Variants in TMSB10 observed in about 807,000 individuals in gnomAD.
The protein encoded by TMSB10 is thymosin beta 10.
A neutral mutation model predicts 4.5 loss-of-function variants in TMSB10; 4 were observed. The observed-to-expected ratio is 0.89, with a 90% CI of 0.44 to 2.03. The LOEUF (loss-of-function observed/expected upper bound fraction) is 2.03, where lower values mean the gene tolerates loss of function less well. Ranked by LOEUF, TMSB10 falls within the 30% of genes most tolerant of loss-of-function variation. The pLI, the probability that TMSB10 is intolerant of heterozygous loss-of-function variation, is 0.03. For synonymous variants in TMSB10, 17 were observed against 20.3 expected (o/e 0.84, Z 0.44); for missense variants, 44 against 53.9 (o/e 0.82, Z 0.57).
chr2:84,906,504 C>T lies in TMSB10; in HGVS notation c.*81C>T. Reference sequence around the variant, plus strand: ...GGAAGAGCCACCTGCAAGATGGACACGAGCCACAAGCTGCACTGTGAACCT... The same window carrying T: ...GGAAGAGCCACCTGCAAGATGGACATGAGCCACAAGCTGCACTGTGAACCT... On this transcript the variant is annotated 3_prime_UTR_variant, in exon 3 of 3. Coordinates refer to ENST00000233143, the MANE Select transcript of TMSB10 (RefSeq NM_021103.4). 6.8e-7 allele frequency: 1 copy of T among 1,473,002 alleles called. No homozygotes were observed. The highest frequency in any genetic ancestry group is 9.1e-7 in the Non-Finnish European group (1 of 1,102,890). The allele number at this position is 1,473,002 out of a possible 1,614,324, so 91.2% of individuals were successfully genotyped here.
intron 2 of TMSB10, 88 bp from the exon 3 acceptor site, chr2:84,906,301 C>T (rs1683692543): frequency 6.7e-7 from 1 of 1,495,704 alleles, no homozygotes; most frequent in Non-Finnish European, 9.0e-7. Context: ...CCCCACACCT[C>T]GTGGGTGCCT....
rs1683698447 is a variant in TMSB10 at position 84,906,515 on chromosome 2, C to G, written c.*92C>G. ...CTGCAAGATGGACACGAGCCACAAGCTGCACTGTGAACCTGGGCACTCCGC... is the reference window on the plus strand; with the variant it reads ...CTGCAAGATGGACACGAGCCACAAGGTGCACTGTGAACCTGGGCACTCCGC... On this transcript the variant is annotated 3_prime_UTR_variant, in exon 3 of 3. Coordinates refer to ENST00000233143, the MANE Select transcript of TMSB10 (RefSeq NM_021103.4). 1 of 1,471,326 alleles carries G rather than the reference C, an allele frequency of 6.8e-7. No homozygotes were observed. The highest frequency in any genetic ancestry group is 9.2e-7 in the Non-Finnish European group (1 of 1,090,954). 91.1% of individuals were successfully genotyped at this position (1,471,326 alleles called of 1,614,324 possible).
Position 84,906,112 on chromosome 2 carries a change from A to C in TMSB10, c.95A>C (p.Lys32Thr). The change falls in exon 2 of 3, where the codon AAA (lysine) becomes ACA (threonine). Residue 32 changes from lysine to threonine, a missense_variant. Coordinates refer to ENST00000233143, the MANE Select transcript of TMSB10 (RefSeq NM_021103.4). Reference protein sequence around the residue: ...ETQEKNTLPTKETIEQEKRSE... With the variant: ...ETQEKNTLPTTETIEQEKRSE... ...CAGGAGAAGAACACCCTGCCGACCAAAGAGAGTGAGTGTGCCTCGGTCTCC... is the reference window on the plus strand; with the variant it reads ...CAGGAGAAGAACACCCTGCCGACCACAGAGAGTGAGTGTGCCTCGGTCTCC... 1 of 1,613,958 alleles carries C rather than the reference A, an allele frequency of 6.2e-7. No homozygotes were observed. Among genetic ancestry groups the C allele is most frequent in the Non-Finnish European group, 8.5e-7 (1 of 1,179,934 alleles).
In TMSB10 at chr2:84,906,094, A is replaced by G; in HGVS notation, c.77A>G (p.Lys26Arg). Residue 26 changes from lysine to arginine, a missense_variant, in exon 2 of 3, where the codon AAG becomes AGG. By Grantham distance (26) the Lys-to-Arg change is conservative (BLOSUM62 2). Transcript: ENST00000233143. ...AKLKKTETQE[K>R]NTLPTKETIE... is the part of the protein sequence containing the mutation. Reference sequence around the variant, plus strand: ...CTGAAGAAAACGGAGACGCAGGAGAAGAACACCCTGCCGACCAAAGAGAGT... The same window carrying G: ...CTGAAGAAAACGGAGACGCAGGAGAGGAACACCCTGCCGACCAAAGAGAGT... The G allele has an allele frequency of 6.2e-7, 1 of 1,614,098 alleles. No homozygotes were observed. The highest frequency in any genetic ancestry group is 8.5e-7 in the Non-Finnish European group (1 of 1,179,992).
chr2:84,906,605 G>A lies in TMSB10; in HGVS notation c.*182G>A. 1.9e-6 allele frequency: 1 copy of A among 533,022 alleles called. No individual in the cohort carries two copies. The highest frequency in any genetic ancestry group is 3.1e-6 in the Non-Finnish European group (1 of 317,606). 33.0% of individuals were successfully genotyped at this position (533,022 alleles called of 1,614,324 possible). ...CCCCAATCGGACTGCCAAATTCTCCGGTTTGCCCCGGGATATTATAGAAAA... is the reference window on the plus strand; with the variant it reads ...CCCCAATCGGACTGCCAAATTCTCCAGTTTGCCCCGGGATATTATAGAAAA... On this transcript the variant is annotated 3_prime_UTR_variant, in exon 3 of 3. Coordinates refer to ENST00000233143, the MANE Select transcript of TMSB10 (RefSeq NM_021103.4).
rs1322888090 is a variant in TMSB10, at chr2:84,905,933, C to T, written c.-15-70C>T. On this transcript the variant is annotated intron_variant, in intron 1 of 2. Coordinates refer to ENST00000233143, the MANE Select transcript of TMSB10 (RefSeq NM_021103.4). ...TTGGCGCGAGTGCCACGTCGAGAGG[C>T]GTCGGCGGGGAGCGCGGAAGGGGAC... 4 of 1,312,254 alleles carry T rather than the reference C, an allele frequency of 3.0e-6. No homozygotes were observed. The African/African-American group carries it at 5.8e-5, about 19-fold the overall frequency. 81.3% of individuals were successfully genotyped at this position (1,312,254 alleles called of 1,614,324 possible).
rs545308500 is a variant in TMSB10, at chr2:84,906,560, G to A, written c.*137G>A. On this transcript the variant is annotated 3_prime_UTR_variant, in exon 3 of 3. Transcript: ENST00000233143. Reference sequence around the variant, plus strand: ...CTCCGCGCCGATGCCACCGGCCTGTGGGTCTCTGAAGGGACCCCCCCCCAA... The same window carrying A: ...CTCCGCGCCGATGCCACCGGCCTGTAGGTCTCTGAAGGGACCCCCCCCCAA... The A allele has an allele frequency of 5.4e-5, 55 of 1,011,032 alleles. No individual in the cohort carries two copies. Among genetic ancestry groups the A allele is most frequent in the Non-Finnish European group, 7.4e-5 (54 of 731,770 alleles). The allele number at this position is 1,011,032 out of a possible 1,614,324, so 62.6% of individuals were successfully genotyped here. A position where few individuals can be genotyped will look rare whatever the true frequency, so the allele number is the denominator to read the frequency against.
intron 2 of TMSB10, 122 bp from the exon 3 acceptor site, chr2:84,906,267 C>G (rs1683691728): frequency 6.9e-7 from 1 of 1,449,502 alleles, no homozygotes; most frequent in Non-Finnish European, 9.3e-7. Flanking sequence ...TTGTTTCTCC[C>G]CAGCCCCAAG....
At chr2:84,906,321 C>T (rs950798105) in intron 2 of TMSB10, 68 bp from the exon 3 acceptor site, 15 of 1,535,672 alleles carry the variant, frequency 9.8e-6, no homozygotes, top group Non-Finnish European at 2.6e-6. Flanking sequence ...TCGCCCACAC[C>T]GGGAAGCACC....
chr2:84,905,933 C>G (rs1322888090), intron 1 of TMSB10, 70 bp from the exon 2 acceptor site: 11 of 1,312,254 alleles, frequency 8.4e-6, no homozygotes, highest in Non-Finnish European at 1.1e-5. Flanking sequence ...CGTCGAGAGG[C>G]GTCGGCGGGG....
chr2:84,906,614 C>A lies in TMSB10; in HGVS notation c.*191C>A. 1 of 507,980 alleles carries A rather than the reference C, an allele frequency of 2.0e-6. No homozygotes were observed. The highest frequency in any genetic ancestry group is 3.3e-6 in the Non-Finnish European group (1 of 298,942). 31.5% of individuals were successfully genotyped at this position (507,980 alleles called of 1,614,324 possible). On this transcript the variant is annotated 3_prime_UTR_variant, in exon 3 of 3. Transcript: ENST00000233143. ...GACTGCCAAATTCTCCGGTTTGCCC[C>A]GGGATATTATAGAAAATTATTTGTA... is the stretch of plus-strand genomic sequence containing the variant.
chr2:84,906,213 C>A, intron 2 of TMSB10, 96 bp downstream of exon 2: 1 of 1,456,264 alleles, frequency 6.9e-7, no homozygotes, highest in South Asian at 1.2e-5. Flanking sequence ...CCGTTGTCCC[C>A]GGTGTGGGCG....
chr2:84,905,710 G>C lies in TMSB10; in HGVS notation c.-24G>C. ...CACCAGGATCTCGGGCTCGGAACGAGACTGCACGGTGAGTGCGGCGCCGGG... is the reference window on the plus strand; with the variant it reads ...CACCAGGATCTCGGGCTCGGAACGACACTGCACGGTGAGTGCGGCGCCGGG... On this transcript the variant is annotated 5_prime_UTR_variant, in exon 1 of 3. Transcript: ENST00000233143. The C allele has an allele frequency of 3.8e-6, 1 of 264,618 alleles. No homozygotes were observed. Among genetic ancestry groups the C allele is most frequent in the Non-Finnish European group, 7.2e-6 (1 of 138,348 alleles). 16.4% of individuals were successfully genotyped at this position (264,618 alleles called of 1,614,324 possible).
chr2:84,906,580 C>A lies in TMSB10; in HGVS notation c.*157C>A. The A allele has an allele frequency of 1.5e-6, 1 of 667,026 alleles. No homozygotes were observed. Among genetic ancestry groups the A allele is most frequent in the Non-Finnish European group, 2.2e-6 (1 of 444,742 alleles). The allele number at this position is 667,026 out of a possible 1,614,324, so 41.3% of individuals were successfully genotyped here. ...CCTGTGGGTCTCTGAAGGGACCCCCCCCCAATCGGACTGCCAAATTCTCCG... is the reference window on the plus strand; with the variant it reads ...CCTGTGGGTCTCTGAAGGGACCCCCACCCAATCGGACTGCCAAATTCTCCG... On this transcript the variant is annotated 3_prime_UTR_variant, in exon 3 of 3. Coordinates refer to ENST00000233143, the MANE Select transcript of TMSB10 (RefSeq NM_021103.4).
At chr2:84,905,769 G>A (rs550379417) in intron 1 of TMSB10, 51 bp downstream of exon 1, 30 of 378,336 alleles carry the variant, frequency 7.9e-5, no homozygotes, top group African/African-American at 6.5e-4. Flanking sequence ...GTCGGATCCG[G>A]TGCACCGGGC....
chr2:84,905,885 G>A, intron 1 of TMSB10, 118 bp from the exon 2 acceptor site: 1 of 794,082 alleles, frequency 1.3e-6, no homozygotes, highest in Non-Finnish European at 2.0e-6. Context: ...CAGATCCTCG[G>A]CCTTGGGGCT....
rs1573973791 is a variant in TMSB10 at position 84,906,433 on chromosome 2, G to A, written c.*10G>A. The A allele has an allele frequency of 1.9e-6, 3 of 1,605,726 alleles. No individual in the cohort carries two copies. In the East Asian group the frequency reaches 6.7e-5, roughly 36 times the overall value. On this transcript the variant is annotated 3_prime_UTR_variant, in exon 3 of 3. Transcript: ENST00000233143. ...GAGTGAAATTTCCTAAGATCCTGGA[G>A]GATTTCCTACCCCCGTCCTCTTCGA...
Position 84,906,278 on chromosome 2 carries a change from C to G in TMSB10, c.101-111C>G, listed in dbSNP as rs1573973660. Reference sequence around the variant, plus strand: ...CGCCTTGTTTCTCCCCAGCCCCAAGCTTCCTTCTAAATCCCCACACCTCGT... The same window carrying G: ...CGCCTTGTTTCTCCCCAGCCCCAAGGTTCCTTCTAAATCCCCACACCTCGT... On this transcript the variant is annotated intron_variant, in intron 2 of 2. Coordinates refer to ENST00000233143, the MANE Select transcript of TMSB10 (RefSeq NM_021103.4). 34 of 1,461,630 alleles carry G rather than the reference C, an allele frequency of 2.3e-5. 1 individual carries two copies. In the South Asian group the frequency reaches 4.5e-4, roughly 19 times the overall value. 90.5% of individuals were successfully genotyped at this position (1,461,630 alleles called of 1,614,324 possible). A position where few individuals can be genotyped will look rare whatever the true frequency, so the allele number is the denominator to read the frequency against.
chr2:84,905,740 G>A, intron 1 of TMSB10, 22 bp downstream of exon 1: 1 of 311,038 alleles, frequency 3.2e-6, no homozygotes. Context: ...GCCGGGGCGG[G>A]GGGCCCACCC....
Sources: gnomAD v4.1 joint callset for allele counts on GRCh38, gnomAD v4.1.1 for gene constraint, MANE v1.5 for transcripts, NCBI Gene and HGNC (gene_info 2026-07-23, HGNC 2026-07-21) for gene names.